The following DCAF8 variants were observed in gnomAD, a reference collection of about 807,000 sequenced individuals.
The protein encoded by DCAF8 is DDB1 and CUL4 associated factor 8.
A neutral mutation model predicts 68.0 loss-of-function variants in DCAF8; 20 were observed. The observed-to-expected ratio is 0.29, with a 90% CI of 0.21 to 0.43. The LOEUF is 0.43. Ranked by LOEUF, DCAF8 falls within the 20% of genes least tolerant of loss-of-function variation. The pLI, the probability that DCAF8 is intolerant of heterozygous loss-of-function variation, is 1.00. For missense variants in DCAF8, 460 were observed against 771.0 expected (o/e 0.60, Z 4.78); for synonymous variants, 230 against 276.9 (o/e 0.83, Z 1.68).
chr1:160,223,565 C>T (rs1284907150), intron 10 of DCAF8, among the ~76,000 whole-genome samples: 1 of 152,156 alleles, frequency 6.6e-6, no homozygotes, highest in African/African-American at 2.4e-5. Flanking sequence ...GCAGTCCATC[C>T]CTATTAAATC....
intron 9 of DCAF8, 123 bp from the exon 10 acceptor site, chr1:160,224,672 A>T: frequency 1.4e-6 from 1 of 724,642 alleles, no homozygotes; most frequent in Admixed American, 2.3e-5. Context: ...TGTAGCACCC[A>T]TCTTATTTGG....
Position 160,259,531 on chromosome 1 carries a change from A to AAAC in DCAF8, c.-27+1753_-27+1754insGTT, listed in dbSNP as rs1557845060. ...CTGGTGACAGAGCAAGACTCGTCAA[A>AAAC]AAACAAACAAACAAACAAAAAAAAC... On this transcript the variant is annotated intron_variant, in intron 2 of 13. Coordinates refer to ENST00000368074, the MANE Select transcript of DCAF8 (RefSeq NM_015726.4). 4.5e-3 allele frequency among the ~76,000 whole-genome samples: 671 copies of AAAC among 150,732 alleles called. 5 individuals carry two copies. The highest frequency in any genetic ancestry group is 0.015 in the African/African-American group (631 of 40,908).
Position 160,218,953 on chromosome 1 carries a change from G to A in DCAF8, c.1456C>T (p.Pro486Ser). The A allele has an allele frequency of 6.2e-7, 1 of 1,614,200 alleles. No homozygotes were observed. Among genetic ancestry groups the A allele is most frequent in the Non-Finnish European group, 8.5e-7 (1 of 1,180,024 alleles). Residue 486 changes from proline to serine, a missense_variant, in exon 12 of 14, where the codon CCC becomes TCC. Physicochemically the swap from Pro to Ser is moderately conservative, Grantham distance 74. Around this residue, in one of 8 missense-constraint regions of DCAF8, gnomAD observed 30 missense variants for 69.6 expected, o/e 0.43. Transcript: ENST00000368074. The stretch of plus-strand genomic sequence containing the variant: ...GCCAGCACAGGCAGGTGAGGGTGGG[G>A]CTCAAGACAGTTTACCTGGTCAGGA... ...DKGGVVNCLE[P>S]HPHLPVLATS...
chr1:160,253,739 T>A (rs1318013127), intron 2 of DCAF8, among the ~76,000 whole-genome samples: 2 of 146,464 alleles, frequency 1.4e-5, no homozygotes, highest in African/African-American at 5.0e-5. Flanking sequence ...AGTGGGAGGA[T>A]CACTGGAGTC....
intron 7 of DCAF8, among the ~76,000 whole-genome samples, chr1:160,229,345 T>C (rs1242522796): frequency 1.3e-5 from 2 of 151,650 alleles, no homozygotes; most frequent in East Asian, 1.9e-4. Context: ...AAATAGCCAA[T>C]AGAGGAATAT....
At chr1:160,231,961 C>T (rs866589004) in intron 6 of DCAF8, among the ~76,000 whole-genome samples, 5 of 151,796 alleles carry the variant, frequency 3.3e-5, no homozygotes, top group Admixed American at 1.3e-4. Flanking sequence ...GAGACTGAGG[C>T]GGGTGGGTCA....
chr1:160,256,849 T>C (rs1281744192), intron 2 of DCAF8, among the ~76,000 whole-genome samples: 1 of 152,186 alleles, frequency 6.6e-6, no homozygotes, highest in Non-Finnish European at 1.5e-5. Flanking sequence ...GGTTAGATGG[T>C]ACTTGAGAAA....
rs1191060362 is a variant in DCAF8 at position 160,231,333 on chromosome 1, T to G, written c.1034A>C (p.His345Pro). The change falls in exon 7 of 14, where the codon CAC becomes CCC. Residue 345 changes from histidine (H) to proline (P), a missense_variant. By Grantham distance (77) the His-to-Pro change is moderately conservative. Around this residue, in one of 8 missense-constraint regions of DCAF8, gnomAD observed 170 missense variants for 318.2 expected, o/e 0.53. Transcript: ENST00000368074. The part of the protein sequence containing the change: ...YTIYVNPANT[H>P]QFAVGGRDQF... ...ATCTCGTCCACCCACTGCAAACTGG[T>G]GGGTATTGGCAGGATTCACATAGAT... 14 of 1,613,944 alleles carry G rather than the reference T, an allele frequency of 8.7e-6. No individual in the cohort carries two copies. Among genetic ancestry groups the G allele is most frequent in the Non-Finnish European group, 1.2e-5 (14 of 1,179,974 alleles).
chr1:160,241,493 T>C (rs1161055038), intron 3 of DCAF8, among the ~76,000 whole-genome samples: 1 of 152,198 alleles, frequency 6.6e-6, no homozygotes, highest in Non-Finnish European at 1.5e-5. Flanking sequence ...GTTAAATAAC[T>C]AGGTCACTTT....
At chr1:160,253,464 A>G (rs183495872) in intron 2 of DCAF8, among the ~76,000 whole-genome samples, 2 of 152,124 alleles carry the variant, frequency 1.3e-5, no homozygotes, top group Admixed American at 6.5e-5. Flanking sequence ...CCTGGCCAAC[A>G]TGGTGAAACC....
At chr1:160,220,110 G>A (rs1252245189) in intron 11 of DCAF8, 1 of 152,266 alleles carries the variant, frequency 6.6e-6, no homozygotes, top group African/African-American at 2.4e-5. Context: ...GCTCAGAAAA[G>A]ACTGAAGCTA....
chr1:160,239,285 C>A (rs1369031824), intron 4 of DCAF8: 36 of 1,105,452 alleles, frequency 3.3e-5, no homozygotes, highest in Non-Finnish European at 3.8e-5. Flanking sequence ...TCTATTGTTA[C>A]TTAATCCTCA....
chr1:160,228,249 T>G (rs1655546921), intron 7 of DCAF8, among the ~76,000 whole-genome samples: 1 of 152,104 alleles, frequency 6.6e-6, no homozygotes, highest in Non-Finnish European at 1.5e-5. Context: ...TTAAGTCACG[T>G]AAGGAATAGT....
At chr1:160,238,505 A>G in intron 5 of DCAF8, 102 bp downstream of exon 5, 9 of 1,320,850 alleles carry the variant, frequency 6.8e-6, no homozygotes, top group Non-Finnish European at 9.2e-6. Context: ...GAGGCACATG[A>G]CCACAACAAA....
chr1:160,261,152 G>A (rs1218074730), intron 2 of DCAF8, 133 bp downstream of exon 2: 2 of 152,236 alleles, frequency 1.3e-5, no homozygotes, highest in Non-Finnish European at 2.9e-5. Context: ...ACCAGAGCTG[G>A]AACAAAGCCA....
intron 10 of DCAF8, 36 bp downstream of exon 10, chr1:160,224,406 G>C (rs1458651838): frequency 6.5e-7 from 1 of 1,535,718 alleles, no homozygotes; most frequent in Non-Finnish European, 9.0e-7. Flanking sequence ...AAAGCCAACA[G>C]GCTTGGGCCA....
At chr1:160,244,095 A>G in intron 2 of DCAF8, 61 bp from the exon 3 acceptor site, 1 of 1,199,730 alleles carries the variant, frequency 8.3e-7, no homozygotes, top group Non-Finnish European at 1.2e-6. Flanking sequence ...AGAAGACAAT[A>G]GGGACAAGGA....
At chr1:160,236,304 A>G (rs933577679) in intron 6 of DCAF8, among the ~76,000 whole-genome samples, 5 of 150,966 alleles carry the variant, frequency 3.3e-5, no homozygotes, top group African/African-American at 1.2e-4. Flanking sequence ...ATATATACAT[A>G]CATATATACG....
At chr1:160,244,113 C>A in intron 2 of DCAF8, 79 bp from the exon 3 acceptor site, 1 of 1,033,166 alleles carries the variant, frequency 9.7e-7, no homozygotes, top group Non-Finnish European at 1.5e-6. Context: ...GGAGATTTAA[C>A]AATGTACAGG....
Sources: allele counts gnomAD v4.1 joint callset (sites outside exome capture counted in the v4.1 genomes callset), GRCh38; gene constraint gnomAD v4.1.1; regional missense constraint gnomAD v4.1.1; transcripts MANE v1.5; gene names NCBI Gene and HGNC (gene_info 2026-07-23, HGNC 2026-07-21).